SH3BGRL: variants seen among roughly 807,000 people sequenced by gnomAD.
SH3BGRL encodes the protein adapter SH3BGRL.
In SH3BGRL, 7 loss-of-function variants were observed where a neutral mutation model predicts 9.8. The observed-to-expected ratio is 0.72, with a 90% CI of 0.41 to 1.35. SH3BGRL has a LOEUF of 1.35. Ranked by LOEUF, SH3BGRL falls within the 40% of genes most tolerant of loss-of-function variation. SH3BGRL has a pLI of 0.01. For missense variants in SH3BGRL, 73 were observed against 84.4 expected (o/e 0.86, Z 0.53); for synonymous variants, 36 against 29.1 (o/e 1.24, Z -0.76).
intron 1 of SH3BGRL, among the ~76,000 whole-genome samples, chrX:81,262,456 C>G (rs183212114): frequency 2.2e-4 from 24 of 111,398 alleles, no homozygotes; most frequent in Admixed American, 2.0e-3. Context: ...GGACATTCTA[C>G]GAAATACTTA....
intron 1 of SH3BGRL, among the ~76,000 whole-genome samples, chrX:81,211,574 G>A (rs761009804): frequency 4.5e-5 from 5 of 110,180 alleles, no homozygotes; most frequent in South Asian, 3.9e-4. Flanking sequence ...GCTACAGAGC[G>A]AGACTCCGTC....
intron 3 of SH3BGRL, among the ~76,000 whole-genome samples, chrX:81,290,790 GATT>G (rs2075855463): frequency 1.8e-5 from 2 of 110,731 alleles, no homozygotes; most frequent in Middle Eastern, 9.3e-3. Context: ...ACCCAGATGT[GATT>G]ATTATCCATT....
chrX:81,208,824 A>G (rs1407650483), intron 1 of SH3BGRL, among the ~76,000 whole-genome samples: 1 of 111,304 alleles, frequency 9.0e-6, no homozygotes, highest in Non-Finnish European at 1.9e-5. Flanking sequence ...TTTCTAGCCC[A>G]GGTCTTGCCT....
chrX:81,216,910 G>T (rs925706653), intron 1 of SH3BGRL, among the ~76,000 whole-genome samples: 2 of 110,996 alleles, frequency 1.8e-5, no homozygotes, highest in East Asian at 5.7e-4. Flanking sequence ...ACACAGGAGT[G>T]CAGCTATCTC....
chrX:81,241,936 G>A (rs2075671425), intron 1 of SH3BGRL, among the ~76,000 whole-genome samples: 1 of 112,423 alleles, frequency 8.9e-6, no homozygotes, highest in Non-Finnish European at 1.9e-5. Flanking sequence ...TGCCTGGCTG[G>A]GCGCAGTGTC....
rs774503432 is a variant in SH3BGRL at position 81,228,319 on chromosome X, G to A, written c.45+26074G>A. On this transcript the variant is annotated intron_variant, in intron 1 of 3. Coordinates refer to ENST00000373212, the MANE Select transcript of SH3BGRL (RefSeq NM_003022.3). ...GTCCAGAAAGGCAGAACAACTGGAA[G>A]CAGGTGCTGGGAGCGGGGACAGCTT... is the stretch of plus-strand genomic sequence containing the variant. Among the ~76,000 whole-genome samples, 10 of 111,862 alleles carry A rather than the reference G, an allele frequency of 8.9e-5. No individual in the cohort carries two copies. The South Asian group carries it at 2.6e-3, about 29-fold the overall frequency.
chrX:81,282,243 A>T (rs1053715449), intron 3 of SH3BGRL, among the ~76,000 whole-genome samples: 4 of 112,145 alleles, frequency 3.6e-5, no homozygotes, highest in Non-Finnish European at 7.5e-5. Context: ...GGGGAATTCA[A>T]TATCCCACTG....
chrX:81,270,297 G>A (rs762025356), intron 1 of SH3BGRL, among the ~76,000 whole-genome samples: 68 of 111,260 alleles, frequency 6.1e-4, no homozygotes, highest in African/African-American at 2.2e-3. Flanking sequence ...TAGAAGAGGC[G>A]TTCTGGTTTT....
intron 1 of SH3BGRL, among the ~76,000 whole-genome samples, chrX:81,264,522 A>G (rs1224446912): frequency 8.9e-6 from 1 of 111,897 alleles, no homozygotes; most frequent in Non-Finnish European, 1.9e-5. Flanking sequence ...TCTCGCTGCT[A>G]ACATATAGTA....
chrX:81,284,601 G>C (rs1843402455), intron 3 of SH3BGRL, among the ~76,000 whole-genome samples: 2 of 110,601 alleles, frequency 1.8e-5, no homozygotes. Flanking sequence ...TCTGAGAGTG[G>C]ATGAAATTAG....
intron 3 of SH3BGRL, among the ~76,000 whole-genome samples, chrX:81,283,918 C>T (rs1013715607): frequency 9.0e-5 from 10 of 110,984 alleles, no homozygotes; most frequent in Non-Finnish European, 1.7e-4. Context: ...ATCTTGAAAA[C>T]CCTAAGGACT....
At chrX:81,263,904 A>G (rs1263059388) in intron 1 of SH3BGRL, among the ~76,000 whole-genome samples, 1 of 109,355 alleles carries the variant, frequency 9.1e-6, no homozygotes, top group Non-Finnish European at 1.9e-5. Flanking sequence ...ACTATTAGGT[A>G]ACTGAACTCT....
rs185687264 is a variant in SH3BGRL, at chrX:81,243,962, C to T, written c.46-33022C>T. ...CCAGTATTATTGTTAATACACCACACTGTCTCCCTCACCTATTGAAATGAT... is the reference window on the plus strand; with the variant it reads ...CCAGTATTATTGTTAATACACCACATTGTCTCCCTCACCTATTGAAATGAT... On this transcript the variant is annotated intron_variant, in intron 1 of 3. Transcript: ENST00000373212. Among the ~76,000 whole-genome samples, 231 of 111,648 alleles carry T rather than the reference C, an allele frequency of 2.1e-3. 1 individual carries two copies. Among genetic ancestry groups the T allele is most frequent in the African/African-American group, 7.3e-3 (225 of 30,775 alleles).
intron 1 of SH3BGRL, among the ~76,000 whole-genome samples, chrX:81,229,564 G>A (rs2075626746): frequency 9.0e-6 from 1 of 111,309 alleles, no homozygotes; most frequent in African/African-American, 3.3e-5. Flanking sequence ...TGGGAAGGTG[G>A]TTTTCCCCTG....
chrX:81,278,485 AT>A, intron 3 of SH3BGRL, 74 bp downstream of exon 3: 1 of 674,563 alleles, frequency 1.5e-6, no homozygotes, highest in South Asian at 3.0e-5. Flanking sequence ...TAAGATTTTC[AT>A]TTTTGTTAAG....
intron 1 of SH3BGRL, among the ~76,000 whole-genome samples, chrX:81,219,829 G>T (rs774834997): frequency 9.0e-6 from 1 of 111,348 alleles, no homozygotes; most frequent in South Asian, 3.7e-4. Context: ...TGTCATGAAG[G>T]TATGTTGAAT....
At chrX:81,212,558 AG>A (rs1157128617) in intron 1 of SH3BGRL, among the ~76,000 whole-genome samples, 5 of 112,285 alleles carry the variant, frequency 4.5e-5, no homozygotes, top group African/African-American at 1.6e-4. Context: ...ATTTTTTATT[AG>A]ATCTTTAAGT....
intron 3 of SH3BGRL, among the ~76,000 whole-genome samples, chrX:81,290,138 T>G (rs1030136792): frequency 8.9e-6 from 1 of 111,869 alleles, no homozygotes; most frequent in Non-Finnish European, 1.9e-5. Flanking sequence ...GGAATGTAAA[T>G]TAATACAGCC....
intron 3 of SH3BGRL, among the ~76,000 whole-genome samples, chrX:81,291,706 C>T (rs1385436686): frequency 1.8e-5 from 2 of 111,758 alleles, no homozygotes; most frequent in Non-Finnish European, 3.8e-5. Flanking sequence ...TTCCTATAAG[C>T]CTGTAAAATA....
Sources: allele counts gnomAD v4.1 joint callset (sites outside exome capture counted in the v4.1 genomes callset), GRCh38; gene constraint gnomAD v4.1.1; transcripts MANE v1.5; gene names NCBI Gene and HGNC (gene_info 2026-07-23, HGNC 2026-07-21).